Variants in TBC1D19 observed in about 807,000 individuals in gnomAD.
The protein encoded by TBC1D19 is TBC1 domain family, member 19.
Under a neutral mutation model 89.0 loss-of-function variants are expected in TBC1D19, and 60 were observed. The observed-to-expected ratio is 0.67, with a 90% CI of 0.55 to 0.84. The LOEUF (loss-of-function observed/expected upper bound fraction) is 0.84, where lower values mean the gene tolerates loss of function less well. Ranked by LOEUF, TBC1D19 falls within the 40% of genes least tolerant of loss-of-function variation. The pLI is 0.00. For synonymous variants in TBC1D19, 189 were observed against 199.7 expected (o/e 0.95, Z 0.45); for missense variants, 500 against 610.8 (o/e 0.82, Z 1.91).
the TBC1D19 span, among the ~76,000 whole-genome samples, chr4:26,799,155 A>G: frequency 6.6e-6 from 1 of 152,178 alleles, no homozygotes; most frequent in Non-Finnish European, 1.5e-5. Context: ...AGCCTGGAGA[A>G]CATAAAGAGA....
chr4:26,810,249 C>T, the TBC1D19 span, among the ~76,000 whole-genome samples: 3 of 152,314 alleles, frequency 2.0e-5, no homozygotes, highest in East Asian at 5.8e-4. Context: ...CCCATTTCCC[C>T]TCACTCCCCC....
chr4:26,718,409 T>C (rs1716778143), intron 14 of TBC1D19, among the ~76,000 whole-genome samples: 1 of 152,122 alleles, frequency 6.6e-6, no homozygotes, highest in Admixed American at 6.6e-5. Flanking sequence ...ACAATTTATA[T>C]GCTTTTAGCT....
chr4:26,782,265 T>C, the TBC1D19 span, among the ~76,000 whole-genome samples: 1 of 152,316 alleles, frequency 6.6e-6, no homozygotes, highest in Admixed American at 6.5e-5. Flanking sequence ...TGAGGCTTTC[T>C]AGAAAGAGCA....
chr4:26,683,577 C>T (rs1375120195), intron 11 of TBC1D19, 98 bp from the exon 12 acceptor site: 1 of 897,000 alleles, frequency 1.1e-6, no homozygotes, highest in Non-Finnish European at 1.7e-6. Flanking sequence ...TGAGTTCCTG[C>T]CCTTCTTAGT....
At chr4:26,696,433 A>G (rs149935476) in intron 13 of TBC1D19, among the ~76,000 whole-genome samples, 2,721 of 152,312 alleles carry the variant, frequency 0.018, 54 homozygotes, top group East Asian at 0.066. Context: ...CCCACTGTCA[A>G]CATTAGACAG....
At chr4:26,661,921 T>C (rs143017177) in intron 8 of TBC1D19, among the ~76,000 whole-genome samples, 111 of 152,324 alleles carry the variant, frequency 7.3e-4, no homozygotes, top group African/African-American at 2.5e-3. Context: ...TCATTTCTTG[T>C]AATGCACATA....
intron 9 of TBC1D19, among the ~76,000 whole-genome samples, chr4:26,669,103 G>T (rs1338990609): frequency 2.0e-5 from 3 of 151,548 alleles, no homozygotes; most frequent in African/African-American, 7.3e-5. Flanking sequence ...CATGATAAAG[G>T]AGGTCATATG....
intron 19 of TBC1D19, among the ~76,000 whole-genome samples, chr4:26,751,339 G>A (rs1301427164): frequency 1.3e-5 from 2 of 152,208 alleles, no homozygotes; most frequent in South Asian, 2.1e-4. Flanking sequence ...AGAAAATTTG[G>A]CCAGACTGTC....
At chr4:26,694,137 C>T (rs556878310) in intron 13 of TBC1D19, among the ~76,000 whole-genome samples, 1 of 152,128 alleles carries the variant, frequency 6.6e-6, no homozygotes, top group Admixed American at 6.5e-5. Flanking sequence ...TCAGGGAATT[C>T]CCTTTTCTAG....
chr4:26,688,620 A>G (rs1326753179), intron 13 of TBC1D19, among the ~76,000 whole-genome samples: 3 of 150,470 alleles, frequency 2.0e-5, no homozygotes, highest in Admixed American at 6.6e-5. Context: ...TTTTTGTCAT[A>G]TATGGTACAT....
intron 1 of TBC1D19, among the ~76,000 whole-genome samples, chr4:26,611,005 T>C (rs938560928): frequency 6.6e-6 from 1 of 152,142 alleles, no homozygotes; most frequent in Admixed American, 6.6e-5. Flanking sequence ...CTGTTTTAAG[T>C]TCTTTGAGAA....
At chr4:26,606,366 C>T (rs1459974907) in intron 1 of TBC1D19, among the ~76,000 whole-genome samples, 1 of 152,092 alleles carries the variant, frequency 6.6e-6, no homozygotes, top group Non-Finnish European at 1.5e-5. Context: ...ATATTGTGGA[C>T]TTTAAAGGAG....
chr4:26,616,032 A>G (rs1202062003), intron 3 of TBC1D19, among the ~76,000 whole-genome samples: 1 of 152,044 alleles, frequency 6.6e-6, no homozygotes, highest in African/African-American at 2.4e-5. Flanking sequence ...CTTTAAGTAT[A>G]TATTTTCTGA....
At chr4:26,610,500 A>G (rs905314280) in intron 1 of TBC1D19, among the ~76,000 whole-genome samples, 2 of 146,376 alleles carry the variant, frequency 1.4e-5, no homozygotes, top group Non-Finnish European at 1.5e-5. Context: ...GGTTTGTTAT[A>G]TAGGTAAATT....
intron 10 of TBC1D19, among the ~76,000 whole-genome samples, chr4:26,673,444 T>TACACAC (rs149722432): frequency 0.037 from 2,857 of 78,178 alleles, 61 homozygotes; most frequent in African/African-American, 0.091. Flanking sequence ...TATATATATA[T>TACACAC]ATACACACAC....
chr4:26,698,593 C>G (rs1249133854), intron 13 of TBC1D19, among the ~76,000 whole-genome samples: 1 of 152,160 alleles, frequency 6.6e-6, no homozygotes, highest in Non-Finnish European at 1.5e-5. Flanking sequence ...GGAGGCATCA[C>G]ACTACCTGAC....
At chr4:26,629,505 A>T (rs946085240) in intron 4 of TBC1D19, among the ~76,000 whole-genome samples, 13 of 152,164 alleles carry the variant, frequency 8.5e-5, no homozygotes, top group East Asian at 3.9e-4. Context: ...TAGATATTTT[A>T]AAAAAATTAT....
At chr4:26,764,422 A>T in the TBC1D19 span, among the ~76,000 whole-genome samples, 19 of 152,194 alleles carry the variant, frequency 1.2e-4, no homozygotes, top group Non-Finnish European at 2.6e-4. Flanking sequence ...GTTGTTCAGG[A>T]GCCTGTGTCT....
chr4:26,709,123 G>A (rs1007042505), intron 13 of TBC1D19, among the ~76,000 whole-genome samples: 5 of 151,850 alleles, frequency 3.3e-5, no homozygotes, highest in African/African-American at 7.3e-5. Context: ...TCTTCCCAGC[G>A]TTTTTGTTGT....
Sources: gnomAD v4.1 joint callset for allele counts (sites outside exome capture counted in the v4.1 genomes callset) on GRCh38, gnomAD v4.1.1 for gene constraint, MANE v1.5 for transcripts, NCBI Gene and HGNC (gene_info 2026-07-23, HGNC 2026-07-21) for gene names.